The following ZYG11A variants were observed in gnomAD, a reference collection of about 807,000 sequenced individuals.
The protein encoded by ZYG11A is zyg-11 family member A, cell cycle regulator.
In ZYG11A, 62 loss-of-function variants were observed where a neutral mutation model predicts 77.2. The ratio of observed to expected loss-of-function variants is 0.80; its 90% CI spans 0.65 to 0.99. ZYG11A has a LOEUF of 0.99. ZYG11A is among the 50% of genes least tolerant of loss of function. The pLI is 0.00. For missense variants in ZYG11A, 828 were observed against 896.8 expected (o/e 0.92, Z 0.98); for synonymous variants, 315 against 324.6 (o/e 0.97, Z 0.32).
At chr1:52,855,575 C>T (rs1465232211) in intron 2 of ZYG11A, among the ~76,000 whole-genome samples, 1 of 152,186 alleles carries the variant, frequency 6.6e-6, no homozygotes, top group Non-Finnish European at 1.5e-5. Context: ...TTTCCCGCAT[C>T]CCTCCAGCCC....
At chr1:52,882,915 A>G (rs1646384671) in intron 11 of ZYG11A, among the ~76,000 whole-genome samples, 1 of 150,388 alleles carries the variant, frequency 6.6e-6, no homozygotes, top group Non-Finnish European at 1.5e-5. Context: ...ATCAGTCAGG[A>G]AGCTCATTTC....
chr1:52,866,438 T>A, intron 5 of ZYG11A, 65 bp from the exon 6 acceptor site: 1 of 924,754 alleles, frequency 1.1e-6, no homozygotes, highest in Non-Finnish European at 1.7e-6. Flanking sequence ...TCCAAATACA[T>A]GGAATCTTTG....
chr1:52,844,539 C>T (rs577970950), intron 1 of ZYG11A, among the ~76,000 whole-genome samples: 1 of 152,180 alleles, frequency 6.6e-6, no homozygotes, highest in East Asian at 1.9e-4. Context: ...ATTTTAATTA[C>T]ACAAATATTG....
Position 52,887,009 on chromosome 1 carries a change from A to C in ZYG11A, c.2060A>C (p.Gln687Pro). ...LLGNFSQPEVQLWALWAMYHV... is the reference protein window; with the variant it reads ...LLGNFSQPEVPLWALWAMYHV... Reference sequence around the variant, plus strand: ...GGCAACTTCTCTCAACCAGAGGTTCAGCTCTGGGCACTATGGGCTATGTAT... The same window carrying C: ...GGCAACTTCTCTCAACCAGAGGTTCCGCTCTGGGCACTATGGGCTATGTAT... The change falls in exon 13 of 14, where the codon CAG becomes CCG. Residue 687 changes from glutamine (Q) to proline (P), a missense_variant. Coordinates refer to ENST00000371528, the MANE Select transcript of ZYG11A (RefSeq NM_001004339.3). 2 of 1,550,096 alleles carry C rather than the reference A, an allele frequency of 1.3e-6. No individual in the cohort carries two copies. Among genetic ancestry groups the C allele is most frequent in the Non-Finnish European group, 1.7e-6 (2 of 1,145,936 alleles).
intron 1 of ZYG11A, among the ~76,000 whole-genome samples, chr1:52,849,148 C>G (rs1645655631): frequency 6.6e-6 from 1 of 152,102 alleles, no homozygotes; most frequent in African/African-American, 2.4e-5. Flanking sequence ...ACTGTAACCT[C>G]CGATTCCCTG....
intron 8 of ZYG11A, 70 bp downstream of exon 8, chr1:52,867,847 AAATC>A: frequency 7.5e-7 from 1 of 1,334,348 alleles, no homozygotes; most frequent in Non-Finnish European, 1.0e-6. Context: ...CTTAAAAAAA[AAATC>A]AAATCATTCC....
intron 13 of ZYG11A, among the ~76,000 whole-genome samples, chr1:52,890,864 C>T (rs1646532854): frequency 1.3e-5 from 2 of 151,940 alleles, no homozygotes; most frequent in African/African-American, 4.8e-5. Flanking sequence ...ACCACTATGT[C>T]TGGCCTATTT....
intron 5 of ZYG11A, among the ~76,000 whole-genome samples, chr1:52,864,987 G>A (rs1645998796): frequency 6.6e-6 from 1 of 151,438 alleles, no homozygotes; most frequent in Non-Finnish European, 1.5e-5. Context: ...TTTTTGAGAC[G>A]GAGTCATTCT....
At chr1:52,886,367 AAAAT>A (rs1167571900) in intron 12 of ZYG11A, among the ~76,000 whole-genome samples, 1 of 152,218 alleles carries the variant, frequency 6.6e-6, no homozygotes, top group African/African-American at 2.4e-5. Flanking sequence ...CCTTGTCTGT[AAAAT>A]GAGGCTGACA....
At chr1:52,875,046 A>G (rs531758740) in intron 8 of ZYG11A, among the ~76,000 whole-genome samples, 1 of 152,316 alleles carries the variant, frequency 6.6e-6, no homozygotes, top group Non-Finnish European at 1.5e-5. Flanking sequence ...AAAAAATAGG[A>G]TGAACCAGAA....
chr1:52,848,606 A>G lies in ZYG11A; in HGVS notation c.90+5633A>G, dbSNP rs534341414. ...CCCACCTCAGCCTCCCACACTTTGT[A>G]TTTTTAGTAGAGACGGGGTTTCTCC... On this transcript the variant is annotated intron_variant, in intron 1 of 13. Transcript: ENST00000371528. Among the ~76,000 whole-genome samples the G allele has an allele frequency of 1.2e-3, 188 of 152,218 alleles. 4 individuals are homozygous for G. The highest frequency in any genetic ancestry group is 1.9e-4 in the East Asian group (1 of 5,178).
intron 5 of ZYG11A, among the ~76,000 whole-genome samples, chr1:52,865,886 G>A (rs571352871): frequency 3.5e-4 from 53 of 151,882 alleles, no homozygotes; most frequent in African/African-American, 1.2e-3. Context: ...GTTACACAGG[G>A]GTATAAATTT....
At chr1:52,852,107 G>A (rs1243241411) in intron 1 of ZYG11A, among the ~76,000 whole-genome samples, 1 of 151,822 alleles carries the variant, frequency 6.6e-6, no homozygotes, top group Admixed American at 6.6e-5. Context: ...TTAGAGACGG[G>A]GTTTCACTAT....
intron 1 of ZYG11A, among the ~76,000 whole-genome samples, chr1:52,845,098 G>C (rs898719396): frequency 6.6e-6 from 1 of 151,950 alleles, no homozygotes; most frequent in African/African-American, 2.4e-5. Flanking sequence ...ATGCATTTAG[G>C]AATGTTAATT....
chr1:52,885,771 A>G, intron 11 of ZYG11A, 62 bp from the exon 12 acceptor site: 1 of 1,300,426 alleles, frequency 7.7e-7, no homozygotes, highest in Non-Finnish European at 1.1e-6. Context: ...AGATTTTGAA[A>G]CATTTTGTTG....
rs1432881301 is a variant in ZYG11A at position 52,877,592 on chromosome 1, G to A, written c.1543-90G>A. On this transcript the variant is annotated intron_variant, in intron 8 of 13. Transcript: ENST00000371528. Reference sequence around the variant, plus strand: ...TGGCAGAACTTGGGTTTAGAACCGAGGTTTGATGCGTCTTAACATTGCTTT... The same window carrying A: ...TGGCAGAACTTGGGTTTAGAACCGAAGTTTGATGCGTCTTAACATTGCTTT... The A allele has an allele frequency of 1.5e-5, 17 of 1,147,978 alleles. No individual in the cohort carries two copies. In the East Asian group the frequency reaches 4.4e-4, roughly 30 times the overall value. 71.1% of individuals were successfully genotyped at this position (1,147,978 alleles called of 1,614,324 possible).
rs1557465156 is a variant in ZYG11A, at chr1:52,894,842, T to A, written c.*1885T>A. The A allele has an allele frequency of 6.6e-6, 1 of 152,254 alleles. No homozygotes were observed. Among genetic ancestry groups the A allele is most frequent in the Non-Finnish European group, 1.5e-5 (1 of 68,052 alleles). The allele number at this position is 152,254 out of a possible 1,614,324, so 9.4% of individuals were successfully genotyped here. On this transcript the variant is annotated 3_prime_UTR_variant, in exon 14 of 14. Coordinates refer to ENST00000371528, the MANE Select transcript of ZYG11A (RefSeq NM_001004339.3). The stretch of plus-strand genomic sequence containing the variant: ...TGGGTTCTAGTACCTCAGAGCATTG[T>A]TATCAGATGCTAGCTTATTCTAATG...
intron 4 of ZYG11A, among the ~76,000 whole-genome samples, chr1:52,862,936 A>C (rs1645957926): frequency 6.6e-6 from 1 of 151,994 alleles, no homozygotes; most frequent in Admixed American, 6.6e-5. Context: ...GGCATGCCCC[A>C]CCATGCCTGG....
Position 52,884,001 on chromosome 1 carries a change from G to T in ZYG11A, c.1945-1832G>T, listed in dbSNP as rs543883968. Among the ~76,000 whole-genome samples the T allele has an allele frequency of 5.9e-5, 9 of 151,786 alleles. No homozygotes were observed. In the East Asian group the frequency reaches 1.8e-3, roughly 30 times the overall value. On this transcript the variant is annotated intron_variant, in intron 11 of 13. Coordinates refer to ENST00000371528, the MANE Select transcript of ZYG11A (RefSeq NM_001004339.3). ...TTCAAGTGATCCCTCCGCCTCCCGA[G>T]TAGCTGGGATTACAGGCGCCTGCCA...
Sources: gnomAD v4.1 joint callset for allele counts (sites outside exome capture counted in the v4.1 genomes callset) on GRCh38, gnomAD v4.1.1 for gene constraint, MANE v1.5 for transcripts, NCBI Gene and HGNC (gene_info 2026-07-23, HGNC 2026-07-21) for gene names.